Variants in DESI2 observed in about 807,000 individuals in gnomAD.
DESI2 encodes the protein deubiquitinase DESI2.
DESI2 carries 10 observed loss-of-function variants against 24.1 expected under a neutral mutation model. That is an observed-to-expected ratio of 0.41 (90% CI 0.26 to 0.70). The LOEUF (loss-of-function observed/expected upper bound fraction) is 0.70, where lower values mean the gene tolerates loss of function less well. DESI2 is among the 30% of genes least tolerant of loss of function. The pLI is 0.29. For synonymous variants in DESI2, 71 were observed against 87.7 expected, an observed-to-expected ratio of 0.81 and a Z score of 1.06; for missense variants, 122 against 234.9, an observed-to-expected ratio of 0.52 and a Z score of 3.14.
chr1:244,653,760 G>A (rs1675547351), intron 1 of DESI2: 3 of 334,910 alleles, frequency 9.0e-6, no homozygotes, highest in Non-Finnish European at 1.7e-5. Flanking sequence ...CAGCTCCTCT[G>A]CTTCTGCCGA....
chr1:244,661,067 A>G (rs981472971), intron 1 of DESI2, among the ~76,000 whole-genome samples: 2 of 152,208 alleles, frequency 1.3e-5, no homozygotes, highest in African/African-American at 2.4e-5. Context: ...GTTTTTAACT[A>G]TACAATCTAC....
At chr1:244,656,598 G>A (rs1675655207) in intron 1 of DESI2, 1 of 152,154 alleles carries the variant, frequency 6.6e-6, no homozygotes, top group South Asian at 2.1e-4. Flanking sequence ...AGGTGACTCA[G>A]ATTAGTTTCA....
At chr1:244,693,344 G>T (rs1244036515) in intron 4 of DESI2, among the ~76,000 whole-genome samples, 1 of 151,988 alleles carries the variant, frequency 6.6e-6, no homozygotes, top group Non-Finnish European at 1.5e-5. Flanking sequence ...TTGCATTTGG[G>T]GCCCAAAGAG....
intron 1 of DESI2, among the ~76,000 whole-genome samples, chr1:244,681,428 A>G (rs567966147): frequency 1.6e-3 from 246 of 151,928 alleles, no homozygotes; most frequent in Middle Eastern, 6.8e-3. Flanking sequence ...AGAGCATAGC[A>G]GTCCCCAACC....
At chr1:244,683,461 G>A (rs923701938) in intron 1 of DESI2, among the ~76,000 whole-genome samples, 6 of 151,902 alleles carry the variant, frequency 3.9e-5, no homozygotes, top group East Asian at 3.9e-4. Context: ...ACAAGTGCCC[G>A]CCATCACACC....
chr1:244,695,281 A>G (rs1338271224), intron 4 of DESI2, among the ~76,000 whole-genome samples: 1 of 152,232 alleles, frequency 6.6e-6, no homozygotes, highest in East Asian at 1.9e-4. Context: ...CAGATGCCTA[A>G]TTATGAACCT....
At chr1:244,671,534 C>T (rs1676245169) in intron 1 of DESI2, among the ~76,000 whole-genome samples, 1 of 152,126 alleles carries the variant, frequency 6.6e-6, no homozygotes, top group Admixed American at 6.5e-5. Flanking sequence ...AAGTTGTCTT[C>T]CCCCAGCTCA....
intron 4 of DESI2, 126 bp from the exon 5 acceptor site, chr1:244,705,430 C>T: frequency 1.4e-6 from 1 of 695,870 alleles, no homozygotes; most frequent in South Asian, 1.8e-5. Context: ...GGAGTGACAC[C>T]ACTGAAGGCT....
At chr1:244,690,310 A>C (rs1676978682) in intron 3 of DESI2, among the ~76,000 whole-genome samples, 1 of 152,168 alleles carries the variant, frequency 6.6e-6, no homozygotes. Context: ...ATGAGTGAGA[A>C]CATACGGTGT....
chr1:244,688,353 C>G (rs1188956331), intron 2 of DESI2, among the ~76,000 whole-genome samples: 1 of 152,106 alleles, frequency 6.6e-6, no homozygotes, highest in Non-Finnish European at 1.5e-5. Context: ...TTCAAAATAG[C>G]CACTTTATTT....
intron 1 of DESI2, chr1:244,653,654 G>T: frequency 2.0e-6 from 1 of 503,908 alleles, no homozygotes; most frequent in Non-Finnish European, 3.5e-6. Flanking sequence ...TGGCCGACGT[G>T]CAGTGTCCTT....
intron 1 of DESI2, among the ~76,000 whole-genome samples, chr1:244,678,086 TTCTA>T (rs1217991738): frequency 5.9e-5 from 9 of 152,314 alleles, no homozygotes; most frequent in African/African-American, 2.2e-4. Flanking sequence ...TAGTTCAACT[TTCTA>T]TCTGAGAGTG....
chr1:244,686,929 T>TA (rs1212390936), intron 2 of DESI2, among the ~76,000 whole-genome samples: 2 of 152,228 alleles, frequency 1.3e-5, no homozygotes, highest in Non-Finnish European at 2.9e-5. Context: ...TACTATGTTT[T>TA]AAAAAATATT....
At position 244,707,502 on chromosome 1, in the gene DESI2, TA is replaced by T. The variant is rs1327457571; in HGVS notation, c.*1715del. On this transcript the variant is annotated 3_prime_UTR_variant, in exon 5 of 5. Transcript: ENST00000302550. ...GACAGAAGAAAGGAATATATGAACTTAATGAGATGTCGACTTGGTTCAGGTC... is the reference window on the plus strand; with the variant it reads ...GACAGAAGAAAGGAATATATGAACTTATGAGATGTCGACTTGGTTCAGGTC... The T allele has an allele frequency of 3.9e-5, 6 of 152,642 alleles. No homozygotes were observed. The highest frequency in any genetic ancestry group is 7.3e-5 in the Non-Finnish European group (5 of 68,042). 9.5% of individuals were successfully genotyped at this position (152,642 alleles called of 1,614,324 possible). A position where few individuals can be genotyped will look rare whatever the true frequency, so the allele number is the denominator to read the frequency against.
At chr1:244,654,089 A>G (rs1675564430) in intron 1 of DESI2, 1 of 462,090 alleles carries the variant, frequency 2.2e-6, no homozygotes, top group African/African-American at 2.0e-5. Context: ...TGTATCATCT[A>G]ACTTTGGAGT....
intron 1 of DESI2, among the ~76,000 whole-genome samples, chr1:244,680,548 A>G (rs1676571951): frequency 6.6e-6 from 1 of 152,374 alleles, no homozygotes; most frequent in African/African-American, 2.4e-5. Context: ...CTAACAAAGC[A>G]AATGTAGCTT....
At chr1:244,653,508 T>A in intron 1 of DESI2, 153 bp downstream of exon 1, 1 of 725,062 alleles carries the variant, frequency 1.4e-6, no homozygotes, top group East Asian at 3.2e-5. Flanking sequence ...GGGAGTATTG[T>A]TATTTTTTAA....
chr1:244,657,244 A>G (rs1038409343), intron 1 of DESI2, among the ~76,000 whole-genome samples: 1 of 152,198 alleles, frequency 6.6e-6, no homozygotes, highest in South Asian at 2.1e-4. Flanking sequence ...GGCAGGTGTG[A>G]TAGATCCGAT....
chr1:244,693,546 C>T (rs1001626705), intron 4 of DESI2, among the ~76,000 whole-genome samples: 1 of 152,130 alleles, frequency 6.6e-6, no homozygotes, highest in Non-Finnish European at 1.5e-5. Context: ...ATTCTCCTGC[C>T]TCAGCCTCCC....
Sources: allele counts gnomAD v4.1 joint callset (sites outside exome capture counted in the v4.1 genomes callset), GRCh38; gene constraint gnomAD v4.1.1; transcripts MANE v1.5; gene names NCBI Gene and HGNC (gene_info 2026-07-23, HGNC 2026-07-21).